The following CHD9 variants were observed in gnomAD, a reference collection of about 807,000 sequenced individuals.
CHD9 encodes chromodomain helicase DNA binding protein 9.
Under a neutral mutation model 316.1 loss-of-function variants are expected in CHD9, and 77 were observed. The ratio of observed to expected loss-of-function variants is 0.24; its 90% CI spans 0.20 to 0.29. The LOEUF (loss-of-function observed/expected upper bound fraction) is 0.29. Ranked by LOEUF, CHD9 falls within the 10% of genes least tolerant of loss-of-function variation. The pLI is 1.00. For missense variants in CHD9, 2,763 were observed against 3,438.1 expected (o/e 0.80, Z 4.91); for synonymous variants, 1,129 against 1,158.3 (o/e 0.97, Z 0.51).
At chr16:53,292,048 T>C (rs1322525599) in intron 28 of CHD9, among the ~76,000 whole-genome samples, 1 of 152,208 alleles carries the variant, frequency 6.6e-6, no homozygotes, top group African/African-American at 2.4e-5. Context: ...ATCATTAAAG[T>C]GTTGATCCAA....
chr16:53,194,563 AC>A (rs1213049542), intron 2 of CHD9, among the ~76,000 whole-genome samples: 1 of 152,200 alleles, frequency 6.6e-6, no homozygotes, highest in East Asian at 1.9e-4. Context: ...ACAGAGTGAG[AC>A]CCTGTCTCAA....
At chr16:53,251,154 A>T (rs901380924) in intron 17 of CHD9, among the ~76,000 whole-genome samples, 10 of 152,190 alleles carry the variant, frequency 6.6e-5, no homozygotes, top group Non-Finnish European at 1.5e-4. Flanking sequence ...TCTGTCACAC[A>T]TTCTTGTTTG....
At chr16:53,168,529 GT>G (rs1438912023) in intron 2 of CHD9, 1 of 152,144 alleles carries the variant, frequency 6.6e-6, no homozygotes, top group East Asian at 1.9e-4. Flanking sequence ...GCTACTAATG[GT>G]TTAGTAGAAA....
chr16:53,198,185 T>G (rs932988987), intron 2 of CHD9, among the ~76,000 whole-genome samples: 4 of 152,096 alleles, frequency 2.6e-5, no homozygotes, highest in African/African-American at 9.7e-5. Context: ...AGAGTATTAT[T>G]AACTATGATT....
At chr16:53,058,495 A>C (rs1483628467) in intron 1 of CHD9, among the ~76,000 whole-genome samples, 1 of 152,220 alleles carries the variant, frequency 6.6e-6, no homozygotes, top group Non-Finnish European at 1.5e-5. Context: ...TGGGGTTAGA[A>C]AAAGATGTTT....
intron 31 of CHD9, among the ~76,000 whole-genome samples, chr16:53,306,001 T>C (rs1347579853): frequency 1.3e-5 from 2 of 151,968 alleles, no homozygotes; most frequent in Non-Finnish European, 2.9e-5. Context: ...GAGGCAGGAG[T>C]ATTGCTTGAG....
intron 2 of CHD9, chr16:53,168,884 G>C (rs1419799966): frequency 6.6e-6 from 1 of 152,170 alleles, no homozygotes; most frequent in African/African-American, 2.4e-5. Context: ...CTGCAGGCGT[G>C]GGCCACCACG....
intron 1 of CHD9, among the ~76,000 whole-genome samples, chr16:53,152,698 T>G (rs2041219584): frequency 6.6e-6 from 1 of 152,202 alleles, no homozygotes; most frequent in African/African-American, 2.4e-5. Context: ...AATAGCAGGC[T>G]GTTAGTTGCC....
At chr16:53,182,378 G>A (rs1048669607) in intron 2 of CHD9, among the ~76,000 whole-genome samples, 8 of 152,080 alleles carry the variant, frequency 5.3e-5, no homozygotes, top group Admixed American at 3.3e-4. Flanking sequence ...TAAAAAATTT[G>A]TGGAGATGGG....
At chr16:53,281,239 T>C (rs1320587126) in intron 24 of CHD9, among the ~76,000 whole-genome samples, 1 of 152,140 alleles carries the variant, frequency 6.6e-6, no homozygotes, top group African/African-American at 2.4e-5. Context: ...CATCTTACTT[T>C]CCCTGGCTTT....
intron 2 of CHD9, chr16:53,169,272 A>G (rs1397033777): frequency 6.6e-6 from 1 of 152,120 alleles, no homozygotes; most frequent in African/African-American, 2.4e-5. Context: ...GTTGCCCAGG[A>G]CAGTCTTGAA....
At chr16:53,259,141 A>G (rs976937549) in intron 19 of CHD9, among the ~76,000 whole-genome samples, 2 of 152,342 alleles carry the variant, frequency 1.3e-5, no homozygotes, top group African/African-American at 4.8e-5. Flanking sequence ...TTATTTCTAT[A>G]GGCATAATTG....
chr16:53,089,906 G>A (rs1344929822), intron 1 of CHD9, among the ~76,000 whole-genome samples: 1 of 152,144 alleles, frequency 6.6e-6, no homozygotes, highest in Non-Finnish European at 1.5e-5. Context: ...TACAAGACTT[G>A]GTCTTCCTCG....
intron 2 of CHD9, among the ~76,000 whole-genome samples, chr16:53,195,154 A>C (rs1341752825): frequency 6.6e-6 from 1 of 152,216 alleles, no homozygotes; most frequent in Non-Finnish European, 1.5e-5. Flanking sequence ...CCATTTAACC[A>C]GTATCCAGAC....
Position 53,300,113 on chromosome 16 carries a change from G to C in CHD9, c.5713+2955G>C, listed in dbSNP as rs182822978. 2.4e-4 allele frequency among the ~76,000 whole-genome samples: 37 copies of C among 152,294 alleles called. 2 individuals carry two copies. The highest frequency in any genetic ancestry group is 8.9e-4 in the African/African-American group (37 of 41,566). ...TCACGCCTGTAATCCCAACACTTTGGGAGGCCGAGGCAGGCGGATCACAAG... is the reference window on the plus strand; with the variant it reads ...TCACGCCTGTAATCCCAACACTTTGCGAGGCCGAGGCAGGCGGATCACAAG... On this transcript the variant is annotated intron_variant, in intron 30 of 38. Transcript: ENST00000447540.
chr16:53,108,170 C>G (rs565027834), intron 1 of CHD9, among the ~76,000 whole-genome samples: 1 of 152,292 alleles, frequency 6.6e-6, no homozygotes, highest in Non-Finnish European at 1.5e-5. Flanking sequence ...TTATTATTAG[C>G]AATACCCACT....
intron 8 of CHD9, among the ~76,000 whole-genome samples, chr16:53,229,901 C>T (rs1276460739): frequency 6.6e-6 from 1 of 152,132 alleles, no homozygotes; most frequent in African/African-American, 2.4e-5. Context: ...ACATATTTCA[C>T]TAATTGTTCC....
At chr16:53,189,581 G>T (rs2044317571) in intron 2 of CHD9, among the ~76,000 whole-genome samples, 2 of 150,908 alleles carry the variant, frequency 1.3e-5, no homozygotes, top group Admixed American at 1.3e-4. Flanking sequence ...GATTAGGTTT[G>T]CTATTATTTT....
At chr16:53,231,622 G>A (rs745746837) in intron 9 of CHD9, 25 bp from the exon 10 acceptor site, 6 of 1,515,406 alleles carry the variant, frequency 4.0e-6, no homozygotes, top group Non-Finnish European at 5.4e-6. Flanking sequence ...TTTTCAAAAT[G>A]GTAAATGAAA....
Sources: allele counts gnomAD v4.1 joint callset (sites outside exome capture counted in the v4.1 genomes callset), GRCh38; gene constraint gnomAD v4.1.1; transcripts MANE v1.5; gene names NCBI Gene and HGNC (gene_info 2026-07-23, HGNC 2026-07-21).